Variants in FAAH2 observed in about 807,000 individuals in gnomAD.
FAAH2 encodes the protein fatty-acid amide hydrolase 2.
FAAH2 carries 60 observed loss-of-function variants against 36.9 expected under a neutral mutation model. The observed-to-expected ratio is 1.63, with a 90% CI of 1.32 to 2.02. The LOEUF (loss-of-function observed/expected upper bound fraction) is 2.02, where lower values mean the gene tolerates loss of function less well. FAAH2 is among the 30% of genes most tolerant of loss of function. The pLI, the probability that FAAH2 is intolerant of heterozygous loss-of-function variation, is 0.00. For missense variants in FAAH2, 689 were observed against 397.5 expected, an observed-to-expected ratio of 1.73 and a Z score of -6.23; for synonymous variants, 214 against 143.8, an observed-to-expected ratio of 1.49 and a Z score of -3.49.
chrX:57,161,606 G>A, the FAAH2 span, among the ~76,000 whole-genome samples: 104 of 111,486 alleles, frequency 9.3e-4, no homozygotes, highest in Non-Finnish European at 1.2e-3. Context: ...TCCCTTTACC[G>A]TTATGTAATG....
At chrX:57,386,565 A>G (rs2055029129) in intron 7 of FAAH2, among the ~76,000 whole-genome samples, 2 of 111,803 alleles carry the variant, frequency 1.8e-5, no homozygotes, top group Admixed American at 1.9e-4. Context: ...TTGCTCTCAC[A>G]GTAGAATTAC....
At chrX:57,426,420 A>C (rs974819096) in intron 7 of FAAH2, among the ~76,000 whole-genome samples, 2 of 111,816 alleles carry the variant, frequency 1.8e-5, no homozygotes. Flanking sequence ...CCTAATAGAC[A>C]TTTAAAGAAC....
At chrX:57,343,480 T>G (rs771945921) in intron 5 of FAAH2, among the ~76,000 whole-genome samples, 7 of 111,869 alleles carry the variant, frequency 6.3e-5, no homozygotes, top group Non-Finnish European at 1.9e-5. Flanking sequence ...ACTTTTTGCT[T>G]GTTGATTTCT....
chrX:57,200,342 A>T, the FAAH2 span, among the ~76,000 whole-genome samples: 1 of 109,603 alleles, frequency 9.1e-6, no homozygotes, highest in African/African-American at 3.3e-5. Context: ...CAAGGAAAAA[A>T]ATAATAAAGA....
intron 5 of FAAH2, among the ~76,000 whole-genome samples, chrX:57,348,555 C>T (rs1412134239): frequency 1.8e-5 from 2 of 111,232 alleles, no homozygotes; most frequent in East Asian, 5.8e-4. Flanking sequence ...GATGGATGCT[C>T]TTAGCTACCA....
chrX:57,432,094 T>C, intron 8 of FAAH2, 57 bp downstream of exon 8: 1 of 1,015,201 alleles, frequency 9.9e-7, no homozygotes, highest in Non-Finnish European at 1.3e-6. Context: ...TTATTGAGCT[T>C]CTATTGTGGT....
At chrX:57,455,929 A>G (rs2056857655) in intron 10 of FAAH2, among the ~76,000 whole-genome samples, 1 of 112,072 alleles carries the variant, frequency 8.9e-6, no homozygotes, top group Non-Finnish European at 1.9e-5. Context: ...TTCTGGATTG[A>G]AACTTGACAT....
chrX:57,381,415 C>T (rs1260378297), intron 7 of FAAH2: 1 of 210,904 alleles, frequency 4.7e-6, no homozygotes. Flanking sequence ...CTTTTATAAT[C>T]AGATGAAATA....
the FAAH2 span, among the ~76,000 whole-genome samples, chrX:57,225,572 T>G: frequency 1.8e-5 from 2 of 111,934 alleles, no homozygotes; most frequent in African/African-American, 6.5e-5. Flanking sequence ...ATGGTCTATC[T>G]TGGAGAAGTT....
the FAAH2 span, among the ~76,000 whole-genome samples, chrX:57,235,009 G>A: frequency 1.8e-5 from 2 of 111,641 alleles, no homozygotes; most frequent in Admixed American, 9.5e-5. Flanking sequence ...CTGCACTCCA[G>A]CCTGGGTGAC....
At chrX:57,407,935 CT>C (rs2055607941) in intron 7 of FAAH2, among the ~76,000 whole-genome samples, 1 of 111,755 alleles carries the variant, frequency 8.9e-6, no homozygotes, top group Non-Finnish European at 1.9e-5. Flanking sequence ...ATTCTTGTTA[CT>C]TTTGTCAAAA....
At chrX:57,421,254 A>C (rs897225654) in intron 7 of FAAH2, among the ~76,000 whole-genome samples, 1 of 111,162 alleles carries the variant, frequency 9.0e-6, no homozygotes, top group Non-Finnish European at 1.9e-5. Flanking sequence ...GACCAGCCTA[A>C]CCAACATGGT....
the FAAH2 span, among the ~76,000 whole-genome samples, chrX:57,270,258 A>T: frequency 9.0e-6 from 1 of 111,616 alleles, no homozygotes; most frequent in Admixed American, 9.5e-5. Flanking sequence ...CCAAGACCAG[A>T]TGGATTCATG....
intron 10 of FAAH2, among the ~76,000 whole-genome samples, chrX:57,464,829 C>A (rs772518172): frequency 9.0e-6 from 1 of 111,020 alleles, no homozygotes; most frequent in East Asian, 2.8e-4. Flanking sequence ...ATGATGTATA[C>A]CATTTAATAT....
chrX:57,389,716 ATTAC>A (rs981201420), intron 7 of FAAH2, among the ~76,000 whole-genome samples: 1 of 111,049 alleles, frequency 9.0e-6, no homozygotes. Flanking sequence ...CCTGATTTGA[ATTAC>A]TTCAAATATA....
the FAAH2 span, among the ~76,000 whole-genome samples, chrX:57,251,095 T>C: frequency 2.7e-5 from 3 of 111,416 alleles, no homozygotes; most frequent in Non-Finnish European, 5.7e-5. Flanking sequence ...AACACAAAAA[T>C]TCTCAACAAA....
intron 5 of FAAH2, among the ~76,000 whole-genome samples, chrX:57,375,619 G>A (rs1429076955): frequency 9.1e-6 from 1 of 110,142 alleles, no homozygotes; most frequent in Non-Finnish European, 1.9e-5. Context: ...CCTTTTCTTG[G>A]TTAATCTTGC....
At chrX:57,472,780 A>G (rs2057193467) in intron 10 of FAAH2, among the ~76,000 whole-genome samples, 1 of 110,461 alleles carries the variant, frequency 9.1e-6, no homozygotes, top group African/African-American at 3.3e-5. Flanking sequence ...GAAACTATCA[A>G]TTTTCTCTAG....
chrX:57,129,874 C>G, the FAAH2 span, among the ~76,000 whole-genome samples: 2 of 111,965 alleles, frequency 1.8e-5, no homozygotes, highest in Non-Finnish European at 3.8e-5. Context: ...CATATGACTT[C>G]AAGAATGAGC....
Sources: allele counts gnomAD v4.1 joint callset (sites outside exome capture counted in the v4.1 genomes callset), GRCh38; gene constraint gnomAD v4.1.1; transcripts MANE v1.5; gene names NCBI Gene and HGNC (gene_info 2026-07-23, HGNC 2026-07-21).